Variants in ABTB3 observed in about 807,000 individuals in gnomAD.
ABTB3 encodes the protein ankyrin repeat and BTB domain containing 3.
the ABTB3 span, among the ~76,000 whole-genome samples, chr12:107,532,717 A>G: frequency 6.6e-6 from 1 of 152,218 alleles, no homozygotes; most frequent in African/African-American, 2.4e-5. Flanking sequence ...TCTGGGGCAC[A>G]TTATAGTCAA....
the ABTB3 span, among the ~76,000 whole-genome samples, chr12:107,445,477 C>G: frequency 2.6e-5 from 4 of 152,166 alleles, no homozygotes; most frequent in African/African-American, 7.2e-5. Context: ...CTATTGAGCA[C>G]TCCTGTGAGC....
At chr12:107,642,137 T>C in the ABTB3 span, 1 of 1,614,118 alleles carries the variant, frequency 6.2e-7, no homozygotes, top group Non-Finnish European at 8.5e-7. Flanking sequence ...GGCACCTGCA[T>C]AGAGATTGGT....
chr12:107,493,877 G>A, the ABTB3 span, among the ~76,000 whole-genome samples: 2 of 151,994 alleles, frequency 1.3e-5, no homozygotes, highest in African/African-American at 4.9e-5. Context: ...GCCTGGAGCA[G>A]ATTCCTTCTC....
At chr12:107,452,592 T>C in the ABTB3 span, among the ~76,000 whole-genome samples, 2 of 151,930 alleles carry the variant, frequency 1.3e-5, no homozygotes, top group African/African-American at 4.8e-5. Context: ...GGCTCACACC[T>C]GTAATCCCGG....
chr12:107,462,863 G>C, the ABTB3 span, among the ~76,000 whole-genome samples: 1 of 151,950 alleles, frequency 6.6e-6, no homozygotes, highest in African/African-American at 2.4e-5. Flanking sequence ...TGACCGTGAT[G>C]ATAATAGTAG....
At chr12:107,473,805 C>CT in the ABTB3 span, among the ~76,000 whole-genome samples, 1,054 of 142,266 alleles carry the variant, frequency 7.4e-3, 10 homozygotes, top group Middle Eastern at 0.029. Flanking sequence ...TTTTCTTTTT[C>CT]TTTTTTTTTT....
chr12:107,565,281 G>A, the ABTB3 span, among the ~76,000 whole-genome samples: 1 of 152,214 alleles, frequency 6.6e-6, no homozygotes, highest in East Asian at 1.9e-4. Flanking sequence ...TGACATTGTT[G>A]GCATCTTTGT....
chr12:107,587,007 C>T, the ABTB3 span, among the ~76,000 whole-genome samples: 1 of 152,144 alleles, frequency 6.6e-6, no homozygotes. Flanking sequence ...AGAAATAAGT[C>T]CACACAGTGG....
chr12:107,405,507 C>T, the ABTB3 span, among the ~76,000 whole-genome samples: 1 of 152,166 alleles, frequency 6.6e-6, no homozygotes, highest in African/African-American at 2.4e-5. Context: ...AGGCACCACT[C>T]TCCGAGCAGT....
chr12:107,411,163 G>A, the ABTB3 span, among the ~76,000 whole-genome samples: 1 of 152,134 alleles, frequency 6.6e-6, no homozygotes, highest in Non-Finnish European at 1.5e-5. Context: ...ATCTGGGCGT[G>A]GTGGCATGTA....
the ABTB3 span, among the ~76,000 whole-genome samples, chr12:107,537,990 G>A: frequency 1.3e-5 from 2 of 152,120 alleles, no homozygotes; most frequent in Admixed American, 6.5e-5. Flanking sequence ...CCAAGGGCAC[G>A]ACTGGGAAGT....
chr12:107,514,540 G>C, the ABTB3 span, among the ~76,000 whole-genome samples: 1 of 152,082 alleles, frequency 6.6e-6, no homozygotes, highest in Non-Finnish European at 1.5e-5. Context: ...ACCAGGCCAC[G>C]GCTGCCCTTG....
chr12:107,547,507 G>C, the ABTB3 span, among the ~76,000 whole-genome samples: 1 of 152,186 alleles, frequency 6.6e-6, no homozygotes, highest in Admixed American at 6.5e-5. Context: ...AACCTTCTGG[G>C]ACAAGTTTTA....
At chr12:107,558,940 C>A in the ABTB3 span, among the ~76,000 whole-genome samples, 1 of 63,718 alleles carries the variant, frequency 1.6e-5, no homozygotes, top group African/African-American at 5.1e-5. Flanking sequence ...CTCTTGCCCA[C>A]CCCCCGTGGG....
At chr12:107,532,566 A>C in the ABTB3 span, among the ~76,000 whole-genome samples, 1 of 152,224 alleles carries the variant, frequency 6.6e-6, no homozygotes, top group African/African-American at 2.4e-5. Flanking sequence ...CTACTCCATA[A>C]AATTAGAAAA....
At chr12:107,651,303 C>T in the ABTB3 span, among the ~76,000 whole-genome samples, 20 of 152,280 alleles carry the variant, frequency 1.3e-4, no homozygotes, top group South Asian at 3.3e-3. Flanking sequence ...GAGGAAGTGA[C>T]ATTTGAGTGG....
the ABTB3 span, among the ~76,000 whole-genome samples, chr12:107,528,868 A>T: frequency 6.6e-6 from 1 of 151,572 alleles, no homozygotes; most frequent in Non-Finnish European, 1.5e-5. Context: ...GATTATGGTG[A>T]TAGTGATGAT....
chr12:107,323,461 T>A, the ABTB3 span, among the ~76,000 whole-genome samples: 2 of 152,236 alleles, frequency 1.3e-5, no homozygotes, highest in African/African-American at 4.8e-5. Context: ...ATCCATGGGT[T>A]TGCTGTGGGC....
At chr12:107,444,038 C>T in the ABTB3 span, among the ~76,000 whole-genome samples, 7 of 152,316 alleles carry the variant, frequency 4.6e-5, no homozygotes, top group South Asian at 2.1e-4. Flanking sequence ...TGGAAAGGAA[C>T]GGAACCTCCC....
Sources: gnomAD v4.1 joint callset for allele counts (sites outside exome capture counted in the v4.1 genomes callset) on GRCh38, gnomAD v4.1.1 for gene constraint, MANE v1.5 for transcripts, NCBI Gene and HGNC (gene_info 2026-07-23, HGNC 2026-07-21) for gene names.